PTPRD: variants seen among roughly 807,000 people sequenced by gnomAD.
PTPRD encodes receptor-type tyrosine-protein phosphatase delta.
PTPRD carries 34 observed loss-of-function variants against 214.5 expected under a neutral mutation model. The observed-to-expected ratio is 0.16, with a 90% confidence interval of 0.12 to 0.21. PTPRD has a LOEUF of 0.21. Among genes scored for constraint, PTPRD ranks in the 10% least tolerant of loss-of-function variants. The probability of loss-of-function intolerance (pLI) is 1.00; values close to 1 mark genes in which losing one functional copy is unlikely to be tolerated. For missense variants in PTPRD, 2,545 were observed against 2,398.7 expected (o/e 1.06, Z -1.27); for synonymous variants, 1,128 against 845.7 (o/e 1.33, Z -5.79).
At chr9:9,275,087 A>C (rs1594971865) in intron 9 of PTPRD, among the ~76,000 whole-genome samples, 1 of 69,458 alleles carries the variant, frequency 1.4e-5, no homozygotes, top group Non-Finnish European at 2.7e-5. Flanking sequence ...TATATAATAT[A>C]TATGTTATAT....
chr9:8,734,360 T>C (rs2098694354), intron 11 of PTPRD, among the ~76,000 whole-genome samples: 1 of 152,238 alleles, frequency 6.6e-6, no homozygotes. Context: ...CCATGCAGGA[T>C]AAAAGTCTAT....
intron 14 of PTPRD, among the ~76,000 whole-genome samples, chr9:8,606,868 C>T (rs1314890101): frequency 6.6e-6 from 1 of 152,164 alleles, no homozygotes; most frequent in African/African-American, 2.4e-5. Context: ...CAGGATCTGT[C>T]ACAGTTTTTT....
At chr9:8,564,420 C>T (rs181108357) in intron 14 of PTPRD, among the ~76,000 whole-genome samples, 25 of 152,140 alleles carry the variant, frequency 1.6e-4, no homozygotes, top group African/African-American at 4.1e-4. Context: ...ATATTCAGGC[C>T]GGGCACGGTA....
intron 7 of PTPRD, among the ~76,000 whole-genome samples, chr9:9,721,036 C>T (rs1380048777): frequency 4.6e-5 from 7 of 151,942 alleles, no homozygotes; most frequent in Non-Finnish European, 1.0e-4. Context: ...CTGTTGGGTA[C>T]GAGGCTTAGT....
intron 2 of PTPRD, among the ~76,000 whole-genome samples, chr9:10,514,249 C>T (rs539643073): frequency 1.7e-4 from 26 of 151,838 alleles, no homozygotes; most frequent in Non-Finnish European, 3.5e-4. Flanking sequence ...TACTTCTAAA[C>T]TCTGCATATT....
chr9:10,266,002 A>C (rs753509569), intron 3 of PTPRD, among the ~76,000 whole-genome samples: 2 of 152,198 alleles, frequency 1.3e-5, no homozygotes, highest in Non-Finnish European at 2.9e-5. Context: ...TAAAACTTTG[A>C]ATATATTACT....
intron 9 of PTPRD, among the ~76,000 whole-genome samples, chr9:9,315,184 C>G (rs180858272): frequency 6.6e-6 from 1 of 151,984 alleles, no homozygotes; most frequent in Non-Finnish European, 1.5e-5. Flanking sequence ...GATAAAGAAG[C>G]TGAATTTCAC....
chr9:9,098,157 G>C (rs550166098), intron 10 of PTPRD, among the ~76,000 whole-genome samples: 2 of 152,070 alleles, frequency 1.3e-5, no homozygotes, highest in African/African-American at 4.8e-5. Flanking sequence ...ACACATTAAT[G>C]ATGATTCTTG....
intron 3 of PTPRD, among the ~76,000 whole-genome samples, chr9:10,180,736 C>G (rs1193484375): frequency 6.6e-6 from 1 of 151,354 alleles, no homozygotes; most frequent in Non-Finnish European, 1.5e-5. Context: ...ATGATTTATC[C>G]CAGAAATGCA....
intron 7 of PTPRD, among the ~76,000 whole-genome samples, chr9:9,610,539 T>A (rs2094460547): frequency 6.6e-6 from 1 of 152,154 alleles, no homozygotes; most frequent in African/African-American, 2.4e-5. Flanking sequence ...TAGGACAAAT[T>A]AGTGAGACCA....
At chr9:8,422,122 G>A (rs894858103) in intron 35 of PTPRD, among the ~76,000 whole-genome samples, 8 of 122,844 alleles carry the variant, frequency 6.5e-5, no homozygotes, top group Admixed American at 2.8e-4. Flanking sequence ...ACTTCAGCCT[G>A]GGTGAAAGAG....
rs34679516 is a variant in PTPRD, at chr9:10,190,025, T to TA, written c.-545+150937dup. Among the ~76,000 whole-genome samples, 193 of 152,180 alleles carry TA rather than the reference T, an allele frequency of 1.3e-3. 6 individuals carry two copies. The South Asian group carries it at 0.037, about 29-fold the overall frequency. ...AATCCAAAGACCAACGACATTCTGT[T>TA]AAAGAGTTGAGCTCTGAGAATTAGG... On this transcript the variant is annotated intron_variant, in intron 3 of 45. Transcript: ENST00000381196.
intron 5 of PTPRD, among the ~76,000 whole-genome samples, chr9:9,893,971 C>T (rs996090460): frequency 1.3e-5 from 2 of 152,014 alleles, no homozygotes; most frequent in Non-Finnish European, 2.9e-5. Context: ...CACCACCACA[C>T]CCTGTGTTTG....
chr9:9,022,626 G>A lies in PTPRD; in HGVS notation c.-142-3891C>T, dbSNP rs181266826. On this transcript the variant is annotated intron_variant, in intron 10 of 45. Transcript: ENST00000381196. ...GTGATGTTTGCACCATGACAAAATC[G>A]CCCAAGGATGCATTTCTCAGAACGT... Among the ~76,000 whole-genome samples, 15 of 152,154 alleles carry A rather than the reference G, an allele frequency of 9.9e-5. 1 individual carries two copies. In the East Asian group the frequency reaches 1.4e-3, roughly 14 times the overall value.
At chr9:9,275,057 A>G (rs1303544739) in intron 9 of PTPRD, among the ~76,000 whole-genome samples, 6 of 65,954 alleles carry the variant, frequency 9.1e-5, no homozygotes, top group South Asian at 3.8e-4. Context: ...ATATATATGT[A>G]TATATATATT....
intron 3 of PTPRD, among the ~76,000 whole-genome samples, chr9:10,214,794 CAACATGTAGCTAATATATTA>C (rs1328951899): frequency 6.6e-6 from 1 of 151,988 alleles, no homozygotes; most frequent in Non-Finnish European, 1.5e-5. Context: ...GTCTCTTTGC[CAACATGTAGCTAATATATTA>C]AACTGAGTCT....
intron 8 of PTPRD, among the ~76,000 whole-genome samples, chr9:9,563,445 C>T (rs558036757): frequency 6.6e-6 from 1 of 152,220 alleles, no homozygotes; most frequent in Admixed American, 6.5e-5. Flanking sequence ...AACCATGGAT[C>T]ACTCTCTCCT....
chr9:8,871,963 C>T (rs1173976428), intron 11 of PTPRD, among the ~76,000 whole-genome samples: 2 of 152,066 alleles, frequency 1.3e-5, no homozygotes, highest in Non-Finnish European at 2.9e-5. Flanking sequence ...GAAATGTGTC[C>T]TCTGCAAGCC....
At chr9:8,678,119 T>A (rs2097470641) in intron 12 of PTPRD, among the ~76,000 whole-genome samples, 1 of 152,182 alleles carries the variant, frequency 6.6e-6, no homozygotes, top group Non-Finnish European at 1.5e-5. Context: ...TGGAGTTATA[T>A]TTTTGAAAGT....
Sources: allele counts gnomAD v4.1 joint callset (sites outside exome capture counted in the v4.1 genomes callset), GRCh38; gene constraint gnomAD v4.1.1; transcripts MANE v1.5; gene names NCBI Gene and HGNC (gene_info 2026-07-23, HGNC 2026-07-21).